Variants in TTC34 observed in about 807,000 individuals in gnomAD.
The protein encoded by TTC34 is tetratricopeptide repeat protein 34.
Under a neutral mutation model 40.7 loss-of-function variants are expected in TTC34, and 44 were observed. The observed-to-expected ratio is 1.08, with a 90% CI of 0.85 to 1.39. The LOEUF is 1.39. Among genes scored for constraint, TTC34 ranks in the 40% most tolerant of loss-of-function variants. TTC34 has a pLI of 0.00. For synonymous variants in TTC34, 422 were observed against 398.6 expected (o/e 1.06, Z -0.70); for missense variants, 884 against 838.0 (o/e 1.05, Z -0.68).
At chr1:2,699,611 C>A (rs1464278924) in intron 6 of TTC34, among the ~76,000 whole-genome samples, 1 of 100,856 alleles carries the variant, frequency 9.9e-6, no homozygotes. Context: ...GCAGCACCCA[C>A]ACACCCAGGT....
exon 9 of TTC34, chr1:2,641,367 G>A (rs1185924222): frequency 6.7e-7 from 1 of 1,501,576 alleles, no homozygotes; most frequent in South Asian, 1.3e-5. Context: ...GTCAGGCCCA[G>A]TCACTGTAGC....
At chr1:2,767,745 A>G (rs1641816427) in intron 6 of TTC34, among the ~76,000 whole-genome samples, 2 of 137,498 alleles carry the variant, frequency 1.5e-5, no homozygotes, top group East Asian at 2.4e-4. Flanking sequence ...AGAATATGAC[A>G]GAATAAAGCA....
chr1:2,785,245 T>A (rs1197346430), intron 5 of TTC34, among the ~76,000 whole-genome samples: 1 of 151,928 alleles, frequency 6.6e-6, no homozygotes, highest in East Asian at 1.9e-4. Flanking sequence ...ACTAAGTGCA[T>A]GGCCGGGTTC....
intron 3 of TTC34, among the ~76,000 whole-genome samples, chr1:2,789,230 G>A (rs1438558678): frequency 3.9e-5 from 6 of 152,192 alleles, no homozygotes; most frequent in African/African-American, 1.4e-4. Context: ...ATTAGCATAT[G>A]AACAGCATGT....
intron 6 of TTC34, among the ~76,000 whole-genome samples, chr1:2,747,722 AG>A (rs1641199198): frequency 1.2e-5 from 1 of 82,916 alleles, no homozygotes; most frequent in Non-Finnish European, 2.2e-5. Flanking sequence ...CCGCACCCCC[AG>A]GCGAGCATCT....
In TTC34 at chr1:2,641,663, C is replaced by T. The variant is rs576669050; in HGVS notation, c.2945G>A (p.Arg982His). The stretch of plus-strand genomic sequence containing the variant: ...CAGGCTCAGCAGCAGGCGACCCTGA[C>T]GGCAGAAGTCCTCTGCCCGCCTTGG... Residue 982 changes from arginine to histidine, a missense_variant, in exon 9 of 9, where the codon CGT (arginine) becomes CAT (histidine). By Grantham distance (29) the Arg-to-His change is conservative. Transcript: ENST00000401095. The T allele has an allele frequency of 1.6e-5, 24 of 1,535,398 alleles. 1 individual carries two copies. The highest frequency in any genetic ancestry group is 2.4e-5 in the South Asian group (2 of 84,054).
intron 6 of TTC34, among the ~76,000 whole-genome samples, chr1:2,676,924 A>C (rs1570791225): frequency 7.4e-6 from 1 of 134,794 alleles, no homozygotes; most frequent in Non-Finnish European, 1.6e-5. Flanking sequence ...AGCAGCACCC[A>C]CACCCCCAGG....
intron 6 of TTC34, among the ~76,000 whole-genome samples, chr1:2,688,522 T>C (rs1243123840): frequency 8.4e-4 from 73 of 87,000 alleles, no homozygotes; most frequent in African/African-American, 1.9e-3. Context: ...CCTGTAACAG[T>C]ACCCACACCC....
chr1:2,660,656 G>A (rs1471615211), intron 6 of TTC34, among the ~76,000 whole-genome samples: 1 of 38,384 alleles, frequency 2.6e-5, no homozygotes, highest in African/African-American at 7.8e-5. Flanking sequence ...GGAGAGTCAG[G>A]AGCAGTGCCC....
intron 6 of TTC34, among the ~76,000 whole-genome samples, chr1:2,772,919 C>T (rs1642484471): frequency 7.8e-6 from 1 of 128,460 alleles, no homozygotes; most frequent in Non-Finnish European, 1.7e-5. Flanking sequence ...CATTCGACAG[C>T]CTGGAACAGC....
At chr1:2,777,163 A>ACCCC (rs1643230910) in intron 6 of TTC34, among the ~76,000 whole-genome samples, 1 of 71,866 alleles carries the variant, frequency 1.4e-5, no homozygotes, top group Non-Finnish European at 2.7e-5. Context: ...CTGGAACAGC[A>ACCCC]CCCACACCCC....
chr1:2,784,424 A>G (rs112793604), intron 5 of TTC34, among the ~76,000 whole-genome samples: 10,964 of 152,178 alleles, frequency 0.072, 909 homozygotes, highest in African/African-American at 0.2. Context: ...AGGGGTTTAG[A>G]CCTCTGGATG....
At chr1:2,749,461 A>T (rs1261915993) in intron 6 of TTC34, among the ~76,000 whole-genome samples, 59 of 106,520 alleles carry the variant, frequency 5.5e-4, no homozygotes, top group African/African-American at 1.6e-3. Context: ...TGAGCATCTG[A>T]CGGCCTGGAA....
At chr1:2,685,023 T>C (rs1434992174) in intron 6 of TTC34, among the ~76,000 whole-genome samples, 22 of 116,394 alleles carry the variant, frequency 1.9e-4, no homozygotes, top group Non-Finnish European at 2.6e-4. Flanking sequence ...TGACAGCATG[T>C]AACAGCACCC....
chr1:2,790,071 C>T, exon 3 of TTC34: 1 of 397,926 alleles, frequency 2.5e-6, no homozygotes, highest in Non-Finnish European at 4.4e-6. Context: ...GCGCGGGTTA[C>T]CGGGGCCAGC....
chr1:2,777,762 G>T (rs529635961), intron 6 of TTC34, among the ~76,000 whole-genome samples: 4 of 151,952 alleles, frequency 2.6e-5, no homozygotes, highest in East Asian at 3.9e-4. Flanking sequence ...AGGGCCTGCT[G>T]CTCCTACCGT....
chr1:2,749,502 C>A lies in TTC34; in HGVS notation c.2226+34107G>T, dbSNP rs1369359559. On this transcript the variant is annotated intron_variant, in intron 6 of 8. Coordinates refer to ENST00000401095, the Ensembl canonical transcript of TTC34. ...CCCACATCCCCAGGTGAGCATTGGA[C>A]AGCCTGGAGCAGCACCCAGATTCCC... is the stretch of plus-strand genomic sequence containing the variant. 9.7e-3 allele frequency among the ~76,000 whole-genome samples: 713 copies of A among 73,716 alleles called. 78 individuals carry two copies. Among genetic ancestry groups the A allele is most frequent in the Non-Finnish European group, 0.013 (561 of 41,958 alleles). The allele number at this position is 73,716 out of a possible 152,430, so 48.4% of individuals were successfully genotyped here.
chr1:2,691,663 C>A (rs561091904), intron 6 of TTC34, among the ~76,000 whole-genome samples: 73 of 94,086 alleles, frequency 7.8e-4, no homozygotes, highest in African/African-American at 2.1e-3. Flanking sequence ...AGCACCGACA[C>A]CCCCAGGTGA....
At chr1:2,686,543 C>A (rs1363707735) in intron 6 of TTC34, among the ~76,000 whole-genome samples, 1 of 105,144 alleles carries the variant, frequency 9.5e-6, no homozygotes, top group Admixed American at 1.1e-4. Flanking sequence ...CATCTGACAG[C>A]CTGGAACAGC....
Sources: gnomAD v4.1 joint callset for allele counts (sites outside exome capture counted in the v4.1 genomes callset) on GRCh38, gnomAD v4.1.1 for gene constraint, MANE v1.5 for transcripts, NCBI Gene and HGNC (gene_info 2026-07-23, HGNC 2026-07-21) for gene names.